The following CES3 variants were observed in gnomAD, a reference collection of about 807,000 sequenced individuals.
CES3 encodes the protein carboxylesterase 3.
Under a neutral mutation model 57.6 loss-of-function variants are expected in CES3, and 49 were observed. The observed-to-expected ratio is 0.85, with a 90% CI of 0.68 to 1.08. The LOEUF (loss-of-function observed/expected upper bound fraction) is 1.08, where lower values mean the gene tolerates loss of function less well. Ranked by LOEUF, CES3 falls within the 50% of genes least tolerant of loss-of-function variation. CES3 has a pLI of 0.00. For synonymous variants in CES3, 266 were observed against 281.6 expected (o/e 0.94, Z 0.55); for missense variants, 645 against 742.0 (o/e 0.87, Z 1.52).
At chr16:66,966,963 G>A (rs1355823090) in intron 8 of CES3, 98 bp downstream of exon 8, 24 of 1,393,670 alleles carry the variant, frequency 1.7e-5, no homozygotes, top group Admixed American at 7.7e-5. Flanking sequence ...GAGCACTCCC[G>A]TTACTCCCAT....
chr16:66,973,131 C>A lies in CES3; in HGVS notation c.*82C>A, dbSNP rs547832533. On this transcript the variant is annotated 3_prime_UTR_variant, in exon 13 of 13. Coordinates refer to ENST00000303334, the MANE Select transcript of CES3 (RefSeq NM_024922.6). ...CCCAGCACGGCAGCCCGCCTCTCCCCCTGCTGAGACTTTAATCTCCACCAG... is the reference window on the plus strand; with the variant it reads ...CCCAGCACGGCAGCCCGCCTCTCCCACTGCTGAGACTTTAATCTCCACCAG... 8.1e-7 allele frequency: 1 copy of A among 1,241,002 alleles called. No individual in the cohort carries two copies. 76.9% of individuals were successfully genotyped at this position (1,241,002 alleles called of 1,614,324 possible).
At chr16:66,961,895 G>T (rs1370226475) in intron 1 of CES3, among the ~76,000 whole-genome samples, 1 of 152,078 alleles carries the variant, frequency 6.6e-6, no homozygotes, top group Non-Finnish European at 1.5e-5. Context: ...CCTGAGATTT[G>T]TTTTAATGAA....
In CES3 at chr16:66,971,266, T is replaced by C; in HGVS notation, c.1238T>C (p.Met413Thr). The change falls in exon 10 of 13, where the codon ATG (methionine) becomes ACG (threonine). Residue 413 changes from methionine (M) to threonine (T), a missense_variant. Transcript: ENST00000303334. ...QAKCQAFQEF[M>T]GDVFINVPTV... The stretch of plus-strand genomic sequence containing the variant: ...AAATGCCAGGCGTTCCAGGAATTCA[T>C]GGGTGACGTATTCATCAATGTTCCC... The C allele has an allele frequency of 1.9e-6, 3 of 1,614,116 alleles. No homozygotes were observed. Among genetic ancestry groups the C allele is most frequent in the Non-Finnish European group, 2.5e-6 (3 of 1,179,992 alleles).
chr16:66,964,363 A>T lies in CES3; in HGVS notation c.567A>T (p.Gly189=), dbSNP rs1963699153. ...GCCCCAACACTGCCCCCAGCACTGG[A>T]GATGAGCATGCACCTGGCAACCAGG... The part of the protein sequence containing the change: ...RLGVLGFFST[G]DEHAPGNQGF... The change falls in exon 5 of 13, where the codon GGA becomes GGT. Residue 189 remains glycine (G), a synonymous_variant. Coordinates refer to ENST00000303334, the MANE Select transcript of CES3 (RefSeq NM_024922.6). The T allele has an allele frequency of 1.2e-6, 2 of 1,613,684 alleles. No individual in the cohort carries two copies. Among genetic ancestry groups the T allele is most frequent in the Admixed American group, 1.7e-5 (1 of 59,986 alleles).
In CES3 at chr16:66,973,157, C is replaced by T; in HGVS notation, c.*108C>T. The T allele has an allele frequency of 1.0e-6, 1 of 1,002,512 alleles. No homozygotes were observed. The highest frequency in any genetic ancestry group is 3.1e-4 in the Middle Eastern group (1 of 3,214). The allele number at this position is 1,002,512 out of a possible 1,614,324, so 62.1% of individuals were successfully genotyped here. A position where few individuals can be genotyped will look rare whatever the true frequency, so the allele number is the denominator to read the frequency against. ...CTGCTGAGACTTTAATCTCCACCAG[C>T]CCTTAAAGTGTCGGCCGCTCTGTGA... On this transcript the variant is annotated 3_prime_UTR_variant, in exon 13 of 13. Coordinates refer to ENST00000303334, the MANE Select transcript of CES3 (RefSeq NM_024922.6).
At chr16:66,969,864 C>T in intron 9 of CES3, 105 bp downstream of exon 9, 1 of 921,564 alleles carries the variant, frequency 1.1e-6, no homozygotes. Flanking sequence ...ACACCCACAG[C>T]TACCCACCTA....
At chr16:66,964,219 T>C (rs1963696896) in intron 4 of CES3, 138 bp from the exon 5 acceptor site, 2 of 1,226,140 alleles carry the variant, frequency 1.6e-6, no homozygotes, top group South Asian at 1.5e-5. Context: ...GCTGTGGAGA[T>C]GCCAACCACG....
intron 10 of CES3, among the ~76,000 whole-genome samples, chr16:66,971,991 G>GC (rs1298443673): frequency 1.3e-5 from 2 of 151,984 alleles, no homozygotes; most frequent in African/African-American, 4.8e-5. Context: ...TTGAAAATTA[G>GC]CCGGGCATGG....
Position 66,963,813 on chromosome 16 carries a change from G to A in CES3, c.438G>A (p.Trp146Ter), listed in dbSNP as rs1459087349. The change falls in exon 4 of 13, where the codon TGG becomes TGA. Residue 146 changes from tryptophan to a stop codon, truncating the protein, a stop_gained. Coordinates refer to ENST00000303334, the MANE Select transcript of CES3 (RefSeq NM_024922.6). LOFTEE classifies it high-confidence loss of function. The surrounding 1 kb of genome is among the most constrained non-coding windows in gnomAD (Gnocchi z 4.9). ...GGCCACCTCTGCAGGTCATGGTATG[G>A]GTCCATGGAGGCGCTCTGATAACTG... ...PAGSGRPVMV[W>*]VHGGALITGA... 2 of 1,614,034 alleles carry A rather than the reference G, an allele frequency of 1.2e-6. No individual in the cohort carries two copies. The highest frequency in any genetic ancestry group is 1.7e-5 in the Admixed American group (1 of 60,012).
At position 66,973,184 on chromosome 16, in the gene CES3, T is replaced by A. The variant is rs1963874050; in HGVS notation, c.*135T>A. 1.3e-6 allele frequency: 1 copy of A among 746,434 alleles called. No homozygotes were observed. The highest frequency in any genetic ancestry group is 2.2e-6 in the Non-Finnish European group (1 of 459,552). 46.2% of individuals were successfully genotyped at this position (746,434 alleles called of 1,614,324 possible). A position where few individuals can be genotyped will look rare whatever the true frequency, so the allele number is the denominator to read the frequency against. On this transcript the variant is annotated 3_prime_UTR_variant, in exon 13 of 13. Transcript: ENST00000303334. ...CTTAAAGTGTCGGCCGCTCTGTGACTGGAGTTATGCTCTTTTGAAATGTCA... is the reference window on the plus strand; with the variant it reads ...CTTAAAGTGTCGGCCGCTCTGTGACAGGAGTTATGCTCTTTTGAAATGTCA...
At chr16:66,971,119 G>A (rs1963823970) in intron 9 of CES3, 53 bp from the exon 10 acceptor site, 2 of 1,555,490 alleles carry the variant, frequency 1.3e-6, no homozygotes, top group Middle Eastern at 2.0e-4. Flanking sequence ...TCCTGGGATG[G>A]TCTGCCACAT....
chr16:66,971,646 A>G (rs1963836038), intron 10 of CES3, among the ~76,000 whole-genome samples: 1 of 152,166 alleles, frequency 6.6e-6, no homozygotes. Flanking sequence ...CTGGGGGGAA[A>G]GTCTTGCTTC....
At chr16:66,972,810 G>C (rs1374674428) in intron 12 of CES3, 44 bp from the exon 13 acceptor site, 2 of 1,613,888 alleles carry the variant, frequency 1.2e-6, no homozygotes, top group Admixed American at 1.7e-5. Flanking sequence ...CCCTCTGGGG[G>C]ACAGCACAGG....
intron 4 of CES3, 135 bp from the exon 5 acceptor site, chr16:66,964,222 C>T: frequency 7.9e-7 from 1 of 1,262,094 alleles, no homozygotes; most frequent in Non-Finnish European, 1.1e-6. Flanking sequence ...GTGGAGATGC[C>T]AACCACGGCT....
At chr16:66,966,577 C>G (rs1963735274) in intron 7 of CES3, 148 bp from the exon 8 acceptor site, 1 of 1,058,594 alleles carries the variant, frequency 9.4e-7, no homozygotes, top group Admixed American at 2.4e-5. Flanking sequence ...CTCCTGGTTC[C>G]CCCGACCCCC....
At chr16:66,962,385 G>C (rs1963663213) in intron 1 of CES3, among the ~76,000 whole-genome samples, 1 of 152,246 alleles carries the variant, frequency 6.6e-6, no homozygotes. Context: ...TGTTTGTGTT[G>C]TTGTAAAAGA....
At chr16:66,968,899 G>A (rs1963783142) in intron 8 of CES3, among the ~76,000 whole-genome samples, 1 of 152,278 alleles carries the variant, frequency 6.6e-6, no homozygotes, top group Middle Eastern at 3.4e-3. Flanking sequence ...GGGTGACAGA[G>A]TGAGACACTG....
At position 66,966,328 on chromosome 16, in the gene CES3, G is replaced by C. The variant is rs1324437345; in HGVS notation, c.904G>C (p.Val302Leu). 1 of 1,613,620 alleles carries C rather than the reference G, an allele frequency of 6.2e-7. No individual in the cohort carries two copies. Among genetic ancestry groups the C allele is most frequent in the African/African-American group, 1.3e-5 (1 of 74,918 alleles). Reference sequence around the variant, plus strand: ...TCAGCAGAAAGAAGGAGAAGAGCTGGTCCTTAGCAAGAAGCTGGTATGGCC... The same window carrying C: ...TCAGCAGAAAGAAGGAGAAGAGCTGCTCCTTAGCAAGAAGCTGGTATGGCC... ...CLQQKEGEELVLSKKLKNTIY... is the reference protein window; with the variant it reads ...CLQQKEGEELLLSKKLKNTIY... The change falls in exon 7 of 13, where the codon GTC becomes CTC. Residue 302 changes from valine (V) to leucine (L), a missense_variant. Coordinates refer to ENST00000303334, the MANE Select transcript of CES3 (RefSeq NM_024922.6).
chr16:66,971,076 T>G, intron 9 of CES3, 96 bp from the exon 10 acceptor site: 13 of 1,379,900 alleles, frequency 9.4e-6, no homozygotes, highest in South Asian at 1.4e-5. Flanking sequence ...AGCCCTGGGA[T>G]TTGAGGGAAG....
Sources: allele counts gnomAD v4.1 joint callset (sites outside exome capture counted in the v4.1 genomes callset), GRCh38; gene constraint gnomAD v4.1.1; non-coding constraint Gnocchi (gnomAD v3.1); transcripts MANE v1.5; gene names NCBI Gene and HGNC (gene_info 2026-07-23, HGNC 2026-07-21).